Variants in IPO11 observed in about 807,000 individuals in gnomAD.
IPO11 encodes importin 11, also known as importin-11.
A neutral mutation model predicts 143.2 loss-of-function variants in IPO11; 66 were observed. That is an observed-to-expected ratio of 0.46 (90% CI 0.38 to 0.57). The LOEUF is 0.57. IPO11 is among the 20% of genes least tolerant of loss of function. IPO11 has a pLI of 0.00. For missense variants in IPO11, 1,026 were observed against 1,141.0 expected (o/e 0.90, Z 1.45); for synonymous variants, 385 against 377.8 (o/e 1.02, Z -0.22).
chr5:62,493,997 G>C lies in IPO11; in HGVS notation c.1464-1G>C. The C allele has an allele frequency of 6.2e-7, 1 of 1,607,630 alleles. No homozygotes were observed. The highest frequency in any genetic ancestry group is 8.5e-7 in the Non-Finnish European group (1 of 1,177,116). ...TAATTTCATGATTTTTTCCTGTTTAGGTATAAGCCATTGCGACGCAGGGTG... is the reference window on the plus strand; with the variant it reads ...TAATTTCATGATTTTTTCCTGTTTACGTATAAGCCATTGCGACGCAGGGTG... On this transcript the variant is annotated splice_acceptor_variant, in intron 15 of 29. Coordinates refer to ENST00000325324, the MANE Select transcript of IPO11 (RefSeq NM_016338.5). LOFTEE classifies it high-confidence loss of function.
In IPO11 at chr5:62,483,312, G is replaced by C; in HGVS notation, c.1021+19G>C. The C allele has an allele frequency of 7.1e-7, 1 of 1,405,080 alleles. No individual in the cohort carries two copies. The allele number at this position is 1,405,080 out of a possible 1,614,324, so 87.0% of individuals were successfully genotyped here. ...TTTGAAGGTAATTCCTTTATTGGCA[G>C]TTTAAAAGAATTATTTTAATCTTAA... On this transcript the variant is annotated intron_variant, in intron 10 of 29. Transcript: ENST00000325324.
intron 28 of IPO11, among the ~76,000 whole-genome samples, chr5:62,597,475 G>T (rs1039944505): frequency 6.6e-6 from 1 of 152,172 alleles, no homozygotes; most frequent in Non-Finnish European, 1.5e-5. Flanking sequence ...GGAAAGTGAG[G>T]TACAGAAAAG....
chr5:62,596,103 A>C (rs1232388657), intron 28 of IPO11, among the ~76,000 whole-genome samples: 5 of 151,382 alleles, frequency 3.3e-5, no homozygotes, highest in Non-Finnish European at 2.9e-5. Context: ...TATTAAAAAA[A>C]AAAAAAAAAT....
intron 29 of IPO11, among the ~76,000 whole-genome samples, chr5:62,608,788 A>G (rs1157357549): frequency 1.3e-5 from 2 of 152,200 alleles, no homozygotes; most frequent in African/African-American, 4.8e-5. Flanking sequence ...TTGATAGTTT[A>G]TGTTAGGGTT....
intron 26 of IPO11, among the ~76,000 whole-genome samples, chr5:62,556,675 A>T (rs1194342253): frequency 6.6e-6 from 1 of 152,228 alleles, no homozygotes. Flanking sequence ...GTCTCTAAAA[A>T]AAAGTTTAAA....
chr5:62,591,205 C>A (rs1175290596), intron 27 of IPO11, among the ~76,000 whole-genome samples: 3 of 151,908 alleles, frequency 2.0e-5, no homozygotes, highest in Non-Finnish European at 4.4e-5. Flanking sequence ...TATTTTCTTC[C>A]AGAATTTGGC....
intron 29 of IPO11, among the ~76,000 whole-genome samples, chr5:62,620,051 CAA>C (rs1428932453): frequency 3.3e-5 from 5 of 152,084 alleles, no homozygotes; most frequent in Non-Finnish European, 5.9e-5. Flanking sequence ...ATCCTGTCAA[CAA>C]AAAGAGTCAT....
intron 29 of IPO11, 45 bp downstream of exon 29, chr5:62,601,893 T>C (rs1745519501): frequency 1.7e-6 from 2 of 1,202,708 alleles, no homozygotes; most frequent in South Asian, 1.4e-5. Flanking sequence ...CCATATATTA[T>C]CATTTTCTGT....
chr5:62,455,502 G>A (rs765395839), intron 5 of IPO11, among the ~76,000 whole-genome samples: 14 of 152,130 alleles, frequency 9.2e-5, no homozygotes, highest in Non-Finnish European at 1.9e-4. Flanking sequence ...CAGCCTAGAC[G>A]ACAGAGAGAG....
intron 7 of IPO11, 152 bp downstream of exon 7, chr5:62,470,460 C>T: frequency 1.0e-5 from 7 of 672,764 alleles, no homozygotes; most frequent in Non-Finnish European, 1.8e-5. Context: ...GACTTCTGGT[C>T]TGTTTTCACT....
chr5:62,465,754 T>G (rs758384951), intron 5 of IPO11, among the ~76,000 whole-genome samples: 2 of 152,228 alleles, frequency 1.3e-5, no homozygotes, highest in African/African-American at 4.8e-5. Flanking sequence ...CCTGACTGAT[T>G]TAGTTTGTAA....
intron 15 of IPO11, among the ~76,000 whole-genome samples, chr5:62,492,525 C>G (rs1365426977): frequency 6.6e-6 from 1 of 151,880 alleles, no homozygotes; most frequent in Non-Finnish European, 1.5e-5. Context: ...TACTTACATA[C>G]TTTTTTTTGT....
chr5:62,443,376 C>T, intron 3 of IPO11: 1 of 233,282 alleles, frequency 4.3e-6, no homozygotes, highest in Non-Finnish European at 7.9e-6. Context: ...CATGGTTTTC[C>T]ATTTGAGTGT....
chr5:62,596,844 C>T (rs190704168), intron 28 of IPO11, among the ~76,000 whole-genome samples: 64 of 152,288 alleles, frequency 4.2e-4, no homozygotes, highest in African/African-American at 1.5e-3. Flanking sequence ...TCTGTGCTGA[C>T]TCAGACACCA....
chr5:62,554,571 A>G (rs1265467058), intron 26 of IPO11, among the ~76,000 whole-genome samples: 1 of 152,132 alleles, frequency 6.6e-6, no homozygotes, highest in African/African-American at 2.4e-5. Context: ...TCTTTTTCTT[A>G]AATCAGTTGG....
intron 26 of IPO11, 104 bp downstream of exon 26, chr5:62,551,440 T>C (rs1446218647): frequency 3.3e-6 from 2 of 610,564 alleles, no homozygotes; most frequent in Non-Finnish European, 5.7e-6. Context: ...TTGTAGTATT[T>C]AGACCTTTAC....
At chr5:62,453,517 C>G (rs906452082) in intron 5 of IPO11, among the ~76,000 whole-genome samples, 1 of 144,520 alleles carries the variant, frequency 6.9e-6, no homozygotes, top group African/African-American at 2.9e-5. Flanking sequence ...TATTCTTTCA[C>G]AAAGAATTGG....
At chr5:62,416,715 C>CTTTTTTTTTTTTTTTTTTTTTTTTT (rs11295932) in intron 1 of IPO11, among the ~76,000 whole-genome samples, 1 of 144,138 alleles carries the variant, frequency 6.9e-6, no homozygotes, top group Non-Finnish European at 1.5e-5. Context: ...CTCTTATTAT[C>CTTTTTTTTTTTTTTTTTTTTTTTTT]TTTTTTTTTT....
At chr5:62,624,878 G>T (rs13185924) in intron 29 of IPO11, among the ~76,000 whole-genome samples, 12 of 151,430 alleles carry the variant, frequency 7.9e-5, no homozygotes, top group African/African-American at 1.2e-4. Flanking sequence ...CCAGCTACTC[G>T]GGAGGCTGAG....
Sources: gnomAD v4.1 joint callset for allele counts (sites outside exome capture counted in the v4.1 genomes callset) on GRCh38, gnomAD v4.1.1 for gene constraint, MANE v1.5 for transcripts, NCBI Gene and HGNC (gene_info 2026-07-23, HGNC 2026-07-21) for gene names.